The following KIF5C variants were observed in gnomAD, a reference collection of about 807,000 sequenced individuals.
KIF5C encodes kinesin family member 5C, also known as kinesin heavy chain isoform 5C.
Under a neutral mutation model 125.2 loss-of-function variants are expected in KIF5C, and 18 were observed. That is an observed-to-expected ratio of 0.14 (90% CI 0.10 to 0.21). KIF5C has a LOEUF of 0.21. Among genes scored for constraint, KIF5C ranks in the 10% least tolerant of loss-of-function variants. The probability of loss-of-function intolerance (pLI) is 1.00; values close to 1 mark genes in which losing one functional copy is unlikely to be tolerated. For missense variants in KIF5C, 780 were observed against 1,183.8 expected (o/e 0.66, Z 5.01); for synonymous variants, 405 against 434.0 (o/e 0.93, Z 0.83).
intron 2 of KIF5C, among the ~76,000 whole-genome samples, chr2:148,926,872 A>G (rs1247144405): frequency 6.6e-6 from 1 of 152,220 alleles, no homozygotes; most frequent in Non-Finnish European, 1.5e-5. Context: ...GCAGCAGTGA[A>G]TGAACTGTAA....
intron 23 of KIF5C, among the ~76,000 whole-genome samples, chr2:149,009,838 T>C (rs1205119218): frequency 6.6e-6 from 1 of 152,178 alleles, no homozygotes; most frequent in Non-Finnish European, 1.5e-5. Flanking sequence ...CCCTTTCCTC[T>C]ACACACACCC....
intron 8 of KIF5C, chr2:148,947,931 G>C (rs776482189): frequency 3.3e-5 from 15 of 456,558 alleles, no homozygotes; most frequent in Middle Eastern, 3.2e-4. Flanking sequence ...CTGAGTTCCC[G>C]TATGCCAAGT....
chr2:148,928,242 A>G (rs1435625319), intron 2 of KIF5C, among the ~76,000 whole-genome samples: 1 of 152,192 alleles, frequency 6.6e-6, no homozygotes, highest in East Asian at 1.9e-4. Flanking sequence ...TAGAGCCTGA[A>G]GTAGATGGAG....
chr2:148,968,932 G>A (rs1187844811), intron 11 of KIF5C, among the ~76,000 whole-genome samples: 5 of 152,108 alleles, frequency 3.3e-5, no homozygotes, highest in Admixed American at 6.5e-5. Context: ...AAAGCACCTC[G>A]TTTGCCAGAT....
chr2:148,975,476 CA>C (rs2105149853), intron 12 of KIF5C, among the ~76,000 whole-genome samples: 1 of 152,310 alleles, frequency 6.6e-6, no homozygotes, highest in African/African-American at 2.4e-5. Context: ...GTGTATATCA[CA>C]TATAGGTGGC....
At chr2:148,989,367 C>CACACAG (rs1360909313) in intron 15 of KIF5C, among the ~76,000 whole-genome samples, 2 of 151,514 alleles carry the variant, frequency 1.3e-5, no homozygotes, top group Non-Finnish European at 2.9e-5. Flanking sequence ...CACACACACA[C>CACACAG]ACCACATTTT....
intron 25 of KIF5C, among the ~76,000 whole-genome samples, chr2:149,013,670 T>C (rs949206068): frequency 4.6e-5 from 7 of 152,252 alleles, no homozygotes; most frequent in Admixed American, 2.0e-4. Flanking sequence ...TATGTGTGTT[T>C]CCCAGCAAGG....
chr2:148,995,871 A>T (rs549076646), intron 17 of KIF5C, among the ~76,000 whole-genome samples: 1 of 152,340 alleles, frequency 6.6e-6, no homozygotes, highest in South Asian at 2.1e-4. Context: ...AAATGAATGG[A>T]TGCAGCTGGG....
At chr2:148,992,878 CA>C in intron 16 of KIF5C, among the ~76,000 whole-genome samples, 1 of 152,192 alleles carries the variant, frequency 6.6e-6, no homozygotes, top group African/African-American at 2.4e-5. Flanking sequence ...TCTATGATAC[CA>C]AAAGCATGTG....
At chr2:148,999,601 T>C (rs368684709) in intron 19 of KIF5C, among the ~76,000 whole-genome samples, 1 of 152,358 alleles carries the variant, frequency 6.6e-6, no homozygotes, top group Non-Finnish European at 1.5e-5. Context: ...GTTGTGCTTT[T>C]CCCCTTCAGG....
At chr2:149,002,937 G>A (rs187264034) in intron 21 of KIF5C, among the ~76,000 whole-genome samples, 2 of 152,152 alleles carry the variant, frequency 1.3e-5, no homozygotes, top group African/African-American at 2.4e-5. Context: ...AGCTCCTCCC[G>A]TCTCCCTGCT....
chr2:148,991,237 C>G, intron 16 of KIF5C, 39 bp downstream of exon 16: 2 of 1,597,606 alleles, frequency 1.3e-6, no homozygotes, highest in Non-Finnish European at 1.7e-6. Flanking sequence ...CTCTTGTTGT[C>G]TTGAGATCTG....
intron 10 of KIF5C, among the ~76,000 whole-genome samples, chr2:148,950,906 A>G (rs1254304877): frequency 1.3e-5 from 2 of 152,182 alleles, no homozygotes; most frequent in Admixed American, 6.5e-5. Context: ...CTAGCAGGTG[A>G]TATGTAAACT....
In KIF5C at chr2:148,931,007, G is replaced by C. The variant is rs571398933; in HGVS notation, c.291+1653G>C. Among the ~76,000 whole-genome samples the C allele has an allele frequency of 4.6e-5, 7 of 152,236 alleles. No individual in the cohort carries two copies. In the South Asian group the frequency reaches 1.5e-3, roughly 32 times the overall value. ...TTCTACATTTCCTGTGTCCCACCTA[G>C]TCCAGTACCTGTAGACAAAAACTCC... On this transcript the variant is annotated intron_variant, in intron 3 of 25. Transcript: ENST00000435030.
chr2:148,916,869 C>G (rs558744274), intron 1 of KIF5C, among the ~76,000 whole-genome samples: 1 of 152,088 alleles, frequency 6.6e-6, no homozygotes, highest in African/African-American at 2.4e-5. Flanking sequence ...GGTCTGGATG[C>G]GAGGCACACA....
intron 1 of KIF5C, among the ~76,000 whole-genome samples, chr2:148,910,421 T>C (rs904495371): frequency 1.3e-5 from 2 of 152,228 alleles, no homozygotes; most frequent in Middle Eastern, 3.2e-3. Context: ...TTGTCAGCAA[T>C]CTATGTTATG....
chr2:148,922,362 C>T (rs774908263), intron 2 of KIF5C, 135 bp downstream of exon 2: 9 of 561,968 alleles, frequency 1.6e-5, no homozygotes, highest in Non-Finnish European at 2.8e-5. Flanking sequence ...AATTCTATAG[C>T]CTCGGTTCTA....
intron 21 of KIF5C, 84 bp downstream of exon 21, chr2:149,000,866 C>T: frequency 1.3e-6 from 2 of 1,587,398 alleles, no homozygotes; most frequent in Non-Finnish European, 1.7e-6. Flanking sequence ...AAATTTTATC[C>T]ATGCACACCT....
chr2:148,960,165 C>T (rs781729765), intron 10 of KIF5C, among the ~76,000 whole-genome samples: 3 of 152,186 alleles, frequency 2.0e-5, no homozygotes, highest in Non-Finnish European at 4.4e-5. Flanking sequence ...ACCAGTTACA[C>T]CAATGGTGAT....
Sources: allele counts gnomAD v4.1 joint callset (sites outside exome capture counted in the v4.1 genomes callset), GRCh38; gene constraint gnomAD v4.1.1; transcripts MANE v1.5; gene names NCBI Gene and HGNC (gene_info 2026-07-23, HGNC 2026-07-21).